The following TBCD variants were observed in gnomAD, a reference collection of about 807,000 sequenced individuals.
TBCD encodes tubulin folding cofactor D, also known as tubulin-specific chaperone D.
A neutral mutation model predicts 169.3 loss-of-function variants in TBCD; 105 were observed. That is an observed-to-expected ratio of 0.62 (90% CI 0.53 to 0.73). The LOEUF is 0.73. TBCD is among the 30% of genes least tolerant of loss of function. The probability of loss-of-function intolerance (pLI) is 0.00; values close to 1 mark genes in which losing one functional copy is unlikely to be tolerated. For synonymous variants in TBCD, 700 were observed against 643.9 expected (o/e 1.09, Z -1.32); for missense variants, 1,444 against 1,600.1 (o/e 0.90, Z 1.66).
At chr17:82,916,122 C>T (rs1599522375) in intron 23 of TBCD, among the ~76,000 whole-genome samples, 1 of 152,202 alleles carries the variant, frequency 6.6e-6, no homozygotes, top group African/African-American at 2.4e-5. Context: ...TTGTTCTGTC[C>T]TGCATTTCTC....
At chr17:82,860,161 C>T (rs973511935) in intron 13 of TBCD, among the ~76,000 whole-genome samples, 3 of 152,218 alleles carry the variant, frequency 2.0e-5, no homozygotes, top group Non-Finnish European at 4.4e-5. Context: ...CTCCCGAATG[C>T]CTGTTTTTGC....
chr17:82,756,362 C>T (rs771070322), intron 2 of TBCD, 147 bp downstream of exon 2: 27 of 794,946 alleles, frequency 3.4e-5, no homozygotes, highest in African/African-American at 5.2e-5. Context: ...TTGGTTTTAG[C>T]CGACCTGTGA....
intron 13 of TBCD, among the ~76,000 whole-genome samples, chr17:82,828,656 A>G (rs1398535139): frequency 6.6e-6 from 1 of 151,392 alleles, no homozygotes; most frequent in Admixed American, 6.6e-5. Flanking sequence ...ACACCTGCAG[A>G]TATGTACACA....
chr17:82,831,573 G>A lies in TBCD; in HGVS notation c.1318+16639G>A. ...CGTATGTGGCTGGAGATGGAGCCAG[G>A]TGCTTAGGGATCGGCCCCGGGTGAG... On this transcript the variant is annotated intron_variant, in intron 13 of 38. Transcript: ENST00000355528. This position sits in a 1 kb window ranked among gnomAD's most constrained non-coding sequence, Gnocchi z 4.6. 4.3e-6 allele frequency: 7 copies of A among 1,614,186 alleles called. No homozygotes were observed. The South Asian group carries it at 7.7e-5, about 18-fold the overall frequency.
rs1599166799 is a variant in TBCD, at chr17:82,880,785, G to A, written c.1476-3360G>A. Reference sequence around the variant, plus strand: ...GGGCGGGGAGGACGCAGGGTCTGTCGGAGCATAGCAGTGGCCCGTACGTGA... The same window carrying A: ...GGGCGGGGAGGACGCAGGGTCTGTCAGAGCATAGCAGTGGCCCGTACGTGA... On this transcript the variant is annotated intron_variant, in intron 14 of 38. Coordinates refer to ENST00000355528, the MANE Select transcript of TBCD (RefSeq NM_005993.5). The surrounding 1 kb of genome is among the most constrained non-coding windows in gnomAD (Gnocchi z 5.0). Among the ~76,000 whole-genome samples, 1 of 152,212 alleles carries A rather than the reference G, an allele frequency of 6.6e-6. No homozygotes were observed. The highest frequency in any genetic ancestry group is 2.4e-5 in the African/African-American group (1 of 41,454).
At chr17:82,818,720 C>T (rs1014601460) in intron 13 of TBCD, among the ~76,000 whole-genome samples, 1 of 152,386 alleles carries the variant, frequency 6.6e-6, no homozygotes, top group East Asian at 1.9e-4. Context: ...GCTGTCCCTG[C>T]ACCTCCTTGT....
chr17:82,831,809 G>A lies in TBCD; in HGVS notation c.1318+16875G>A, dbSNP rs376489881. Reference sequence around the variant, plus strand: ...GATGAGATTTTATGTGGAAACTCTGGTGGAAGGAAAGGTGAGCCGGCTTTC... The same window carrying A: ...GATGAGATTTTATGTGGAAACTCTGATGGAAGGAAAGGTGAGCCGGCTTTC... On this transcript the variant is annotated intron_variant, in intron 13 of 38. Coordinates refer to ENST00000355528, the MANE Select transcript of TBCD (RefSeq NM_005993.5). This position sits in a 1 kb window ranked among gnomAD's most constrained non-coding sequence, Gnocchi z 4.6. The A allele has an allele frequency of 6.2e-7, 1 of 1,614,070 alleles. No homozygotes were observed. The highest frequency in any genetic ancestry group is 1.3e-5 in the African/African-American group (1 of 74,930).
At chr17:82,937,194 T>A (rs1478086032) in intron 34 of TBCD, 77 bp from the exon 35 acceptor site, 9 of 1,398,032 alleles carry the variant, frequency 6.4e-6, no homozygotes, top group Non-Finnish European at 2.0e-6. Context: ...GGAGTTGACC[T>A]TCTTTGAGAC....
rs1250810402 is a variant in TBCD, at chr17:82,838,931, G to T, written c.1318+23997G>T. ...CTTTGCTAATGCGCAGTGAAAATTA[G>T]GGGCACAGATGTGGACGGACTGTGC... On this transcript the variant is annotated intron_variant, in intron 13 of 38. Coordinates refer to ENST00000355528, the MANE Select transcript of TBCD (RefSeq NM_005993.5). The T allele has an allele frequency of 1.5e-5, 15 of 985,396 alleles. No individual in the cohort carries two copies. The South Asian group carries it at 6.1e-4, about 40-fold the overall frequency. The allele number at this position is 985,396 out of a possible 1,614,324, so 61.0% of individuals were successfully genotyped here.
In TBCD at chr17:82,832,051, G is replaced by C. The variant is rs757711155; in HGVS notation, c.1318+17117G>C. 6.2e-7 allele frequency: 1 copy of C among 1,613,852 alleles called. No homozygotes were observed. Among genetic ancestry groups the C allele is most frequent in the East Asian group, 2.2e-5 (1 of 44,876 alleles). On this transcript the variant is annotated intron_variant, in intron 13 of 38. Transcript: ENST00000355528. The surrounding 1 kb of genome is among the most constrained non-coding windows in gnomAD (Gnocchi z 4.9). ...CGGAGCTGGGCTCTTGCAGGGTGAT[G>C]CCCTGTGGAGGGCTGGCTTCTGTCC...
intron 12 of TBCD, among the ~76,000 whole-genome samples, chr17:82,810,738 C>A (rs1250955642): frequency 6.6e-6 from 1 of 152,222 alleles, no homozygotes; most frequent in Non-Finnish European, 1.5e-5. Context: ...TTGCTCAGGA[C>A]CCCGGGCGTG....
intron 8 of TBCD, 44 bp downstream of exon 8, chr17:82,797,846 T>C: frequency 6.9e-7 from 1 of 1,456,302 alleles, no homozygotes; most frequent in Non-Finnish European, 9.3e-7. Flanking sequence ...GATGTGAGTT[T>C]GCTCATATAC....
At chr17:82,830,862 G>A (rs2053439178) in intron 13 of TBCD, 3 of 1,612,774 alleles carry the variant, frequency 1.9e-6, no homozygotes, top group South Asian at 1.1e-5. Flanking sequence ...GAGGGTCTCC[G>A]TTCACAACAT....
chr17:82,792,998 AG>A, intron 7 of TBCD, among the ~76,000 whole-genome samples: 1 of 152,248 alleles, frequency 6.6e-6, no homozygotes, highest in South Asian at 2.1e-4. Context: ...CTTAGGCTCA[AG>A]TAACCCTCCT....
At position 82,920,102 on chromosome 17, in the gene TBCD, G is replaced by T. The variant is rs977869524; in HGVS notation, c.2039-454G>T. Among the ~76,000 whole-genome samples the T allele has an allele frequency of 6.6e-6, 1 of 152,198 alleles. No individual in the cohort carries two copies. The highest frequency in any genetic ancestry group is 1.5e-5 in the Non-Finnish European group (1 of 68,028). The stretch of plus-strand genomic sequence containing the variant: ...AGGGCCACGTTTCTGGTCATGGAGA[G>T]TGTGAGTGACGAGCTATGTGGGGAA... On this transcript the variant is annotated intron_variant, in intron 23 of 38. Coordinates refer to ENST00000355528, the MANE Select transcript of TBCD (RefSeq NM_005993.5). This position sits in a 1 kb window ranked among gnomAD's most constrained non-coding sequence, Gnocchi z 4.1.
chr17:82,824,717 A>G (rs2052692993), intron 13 of TBCD, among the ~76,000 whole-genome samples: 1 of 152,130 alleles, frequency 6.6e-6, no homozygotes, highest in East Asian at 1.9e-4. Context: ...CCTTTTGGGT[A>G]TTGTGAATAA....
In TBCD at chr17:82,870,210, T is replaced by C; in HGVS notation, c.1319-14T>C. On this transcript the variant is annotated splice_polypyrimidine_tract_variant and intron_variant, in intron 13 of 38. Transcript: ENST00000355528. ...GGTCTGCTCCTCACCGTCTTTTCTC[T>C]TGTCCTTGCCCAGTTGTCGCCGTGA... is the stretch of plus-strand genomic sequence containing the variant. 1.2e-6 allele frequency: 2 copies of C among 1,612,596 alleles called. No homozygotes were observed. The highest frequency in any genetic ancestry group is 1.3e-5 in the African/African-American group (1 of 75,048).
chr17:82,921,598 C>A (rs935322738), intron 25 of TBCD, 21 bp downstream of exon 25: 1 of 1,612,124 alleles, frequency 6.2e-7, no homozygotes, highest in South Asian at 1.1e-5. Flanking sequence ...CATGGGCGTT[C>A]CCGGCCGGCG....
In TBCD at chr17:82,887,168, T is replaced by TGTGTGTGTGTGCGCGC; in HGVS notation, c.1534-2499_1534-2498insTGTGTGTGTGCGCGCG. On this transcript the variant is annotated intron_variant, in intron 15 of 38. Coordinates refer to ENST00000355528, the MANE Select transcript of TBCD (RefSeq NM_005993.5). ...GTGTGTGTGTGTGTGTGTGTGTGTG[T>TGTGTGTGTGTGCGCGC]GCGCGCGCGCGCACGTGCGCTCACG... Among the ~76,000 whole-genome samples the TGTGTGTGTGTGCGCGC allele has an allele frequency of 9.2e-3, 1,160 of 125,948 alleles. 7 individuals carry two copies. Among genetic ancestry groups the TGTGTGTGTGTGCGCGC allele is most frequent in the South Asian group, 0.015 (50 of 3,392 alleles). The allele number at this position is 125,948 out of a possible 152,430, so 82.6% of individuals were successfully genotyped here. A position where few individuals can be genotyped will look rare whatever the true frequency, so the allele number is the denominator to read the frequency against.
Sources: allele counts gnomAD v4.1 joint callset (sites outside exome capture counted in the v4.1 genomes callset), GRCh38; gene constraint gnomAD v4.1.1; non-coding constraint Gnocchi (gnomAD v3.1); transcripts MANE v1.5; gene names NCBI Gene and HGNC (gene_info 2026-07-23, HGNC 2026-07-21).